PDE4B: variants seen among roughly 807,000 people sequenced by gnomAD.
PDE4B encodes the protein phosphodiesterase 4B.
PDE4B carries 20 observed loss-of-function variants against 82.2 expected under a neutral mutation model. The ratio of observed to expected loss-of-function variants is 0.24; its 90% CI spans 0.17 to 0.35. The LOEUF is 0.35. Among genes scored for constraint, PDE4B ranks in the 10% least tolerant of loss-of-function variants. The pLI is 1.00. For synonymous variants in PDE4B, 320 were observed against 318.9 expected (o/e 1.00, Z -0.04); for missense variants, 655 against 907.2 (o/e 0.72, Z 3.57).
At chr1:65,863,279 G>A (rs776032378) in intron 1 of PDE4B, among the ~76,000 whole-genome samples, 1 of 152,166 alleles carries the variant, frequency 6.6e-6, no homozygotes, top group Non-Finnish European at 1.5e-5. Flanking sequence ...TCATTCAGGA[G>A]CAGGTTGTTC....
intron 3 of PDE4B, among the ~76,000 whole-genome samples, chr1:66,121,340 G>A (rs910451370): frequency 4.6e-5 from 7 of 152,198 alleles, no homozygotes; most frequent in African/African-American, 1.7e-4. Context: ...GAGGAAATAT[G>A]AGCATTGAGT....
intron 1 of PDE4B, among the ~76,000 whole-genome samples, chr1:65,901,653 G>A (rs1262380774): frequency 6.6e-6 from 1 of 152,014 alleles, no homozygotes; most frequent in Non-Finnish European, 1.5e-5. Context: ...TCTGTTTGAA[G>A]TTTCAATTTC....
At chr1:66,241,152 A>C (rs1236271824) in intron 3 of PDE4B, among the ~76,000 whole-genome samples, 1 of 152,230 alleles carries the variant, frequency 6.6e-6, no homozygotes, top group East Asian at 1.9e-4. Context: ...GAAGTCATAG[A>C]CTTTGGAACT....
intron 3 of PDE4B, among the ~76,000 whole-genome samples, chr1:65,957,319 G>T (rs893161912): frequency 6.6e-6 from 1 of 151,620 alleles, no homozygotes; most frequent in Non-Finnish European, 1.5e-5. Context: ...AAGTTTTAAG[G>T]TTCGCCACCA....
Position 66,143,028 on chromosome 1 carries a change from A to T in PDE4B, c.282-104432A>T, listed in dbSNP as rs530331898. ...AACAGGCATTTATAAAAGGCTGTAG[A>T]TGCAGTACGAAGACCATAGCACAGG... is the stretch of plus-strand genomic sequence containing the variant. On this transcript the variant is annotated intron_variant, in intron 3 of 16. Coordinates refer to ENST00000341517, the MANE Select transcript of PDE4B (RefSeq NM_002600.4). Among the ~76,000 whole-genome samples, 7 of 152,362 alleles carry T rather than the reference A, an allele frequency of 4.6e-5. No homozygotes were observed. In the South Asian group the frequency reaches 1.4e-3, roughly 32 times the overall value.
intron 9 of PDE4B, among the ~76,000 whole-genome samples, chr1:66,361,290 T>C (rs944595312): frequency 1.3e-5 from 2 of 152,184 alleles, no homozygotes; most frequent in African/African-American, 4.8e-5. Flanking sequence ...CCTTATACAC[T>C]CCTTATATAC....
chr1:65,918,900 T>A (rs1407407576), intron 3 of PDE4B, 65 bp downstream of exon 3: 2 of 983,338 alleles, frequency 2.0e-6, no homozygotes, highest in Non-Finnish European at 3.3e-6. Context: ...CAAATACAAT[T>A]TCATAGTATT....
chr1:66,122,430 T>C (rs892270010), intron 3 of PDE4B, among the ~76,000 whole-genome samples: 2 of 152,212 alleles, frequency 1.3e-5, no homozygotes, highest in Admixed American at 6.5e-5. Context: ...AAGAGATATA[T>C]TTTGATATTA....
intron 1 of PDE4B, among the ~76,000 whole-genome samples, chr1:65,884,129 G>A (rs1466686126): frequency 6.6e-6 from 1 of 151,944 alleles, no homozygotes; most frequent in African/African-American, 2.4e-5. Context: ...TTTTTTGGTT[G>A]TGTCTCTGCC....
chr1:66,062,573 G>A (rs1261173666), intron 3 of PDE4B, among the ~76,000 whole-genome samples: 2 of 152,028 alleles, frequency 1.3e-5, no homozygotes, highest in African/African-American at 4.8e-5. Context: ...TAGTGAAACT[G>A]GTGGCATTTG....
intron 8 of PDE4B, among the ~76,000 whole-genome samples, chr1:66,335,692 T>C (rs1660463951): frequency 6.6e-6 from 1 of 152,190 alleles, no homozygotes; most frequent in African/African-American, 2.4e-5. Flanking sequence ...TTGTAAATTA[T>C]TTTCCTCCAA....
Position 66,162,305 on chromosome 1 carries a change from C to CTTTTTTTTT in PDE4B, c.282-85135_282-85127dup, listed in dbSNP as rs1168144080. Among the ~76,000 whole-genome samples the CTTTTTTTTT allele has an allele frequency of 9.9e-3, 398 of 40,300 alleles. 59 individuals are homozygous for CTTTTTTTTT. The highest frequency in any genetic ancestry group is 0.011 in the East Asian group (13 of 1,132). The allele number at this position is 40,300 out of a possible 152,430, so 26.4% of individuals were successfully genotyped here. The stretch of plus-strand genomic sequence containing the variant: ...TTGGTGGTAAGGTTCATGGACTTCT[C>CTTTTTTTTT]TTTTTTTTTTTTTTTTTTTTTTTTT... On this transcript the variant is annotated intron_variant, in intron 3 of 16. Transcript: ENST00000341517.
In PDE4B at chr1:66,141,179, C is replaced by G. The variant is rs190915203; in HGVS notation, c.282-106281C>G. ...ACATTTATTGAGCTCTTACTGTGCT[C>G]CCTGCCATTACCTAAGCACTGAGAA... On this transcript the variant is annotated intron_variant, in intron 3 of 16. Coordinates refer to ENST00000341517, the MANE Select transcript of PDE4B (RefSeq NM_002600.4). Among the ~76,000 whole-genome samples the G allele has an allele frequency of 3.8e-3, 581 of 151,702 alleles. 2 individuals are homozygous for G. The highest frequency in any genetic ancestry group is 0.017 in the South Asian group (83 of 4,800).
At chr1:66,303,489 AT>A (rs950099641) in intron 7 of PDE4B, among the ~76,000 whole-genome samples, 2 of 152,002 alleles carry the variant, frequency 1.3e-5, no homozygotes, top group African/African-American at 4.8e-5. Context: ...CAAGCATACA[AT>A]ACCTTATTGT....
At chr1:66,204,157 C>G (rs371579208) in intron 3 of PDE4B, among the ~76,000 whole-genome samples, 6 of 152,226 alleles carry the variant, frequency 3.9e-5, no homozygotes, top group East Asian at 3.8e-4. Flanking sequence ...GGCTGCAGAA[C>G]AGCAGATTTT....
At chr1:65,988,787 G>A (rs1010816585) in intron 3 of PDE4B, among the ~76,000 whole-genome samples, 1 of 151,966 alleles carries the variant, frequency 6.6e-6, no homozygotes, top group African/African-American at 2.4e-5. Flanking sequence ...TATACAAACT[G>A]CAGTTTTGTC....
intron 3 of PDE4B, among the ~76,000 whole-genome samples, chr1:66,033,009 G>T (rs562602907): frequency 2.6e-5 from 4 of 151,898 alleles, no homozygotes; most frequent in Admixed American, 6.6e-5. Context: ...TCTCTCCCTC[G>T]CTTCCTTCTC....
intron 3 of PDE4B, among the ~76,000 whole-genome samples, chr1:66,175,763 C>T (rs998583286): frequency 2.0e-5 from 3 of 152,118 alleles, no homozygotes; most frequent in Admixed American, 6.6e-5. Flanking sequence ...AATAGAACTG[C>T]ATACATCCTG....
intron 1 of PDE4B, among the ~76,000 whole-genome samples, chr1:65,821,321 C>T (rs184518188): frequency 4.1e-4 from 63 of 152,288 alleles, no homozygotes; most frequent in African/African-American, 1.5e-3. Flanking sequence ...TACAAGGGTG[C>T]CCCTTGGTAG....
Sources: allele counts gnomAD v4.1 joint callset (sites outside exome capture counted in the v4.1 genomes callset), GRCh38; gene constraint gnomAD v4.1.1; transcripts MANE v1.5; gene names NCBI Gene and HGNC (gene_info 2026-07-23, HGNC 2026-07-21).